LRMDA: variants seen among roughly 807,000 people sequenced by gnomAD.
The protein encoded by LRMDA is leucine rich melanocyte differentiation associated, also known as leucine-rich melanocyte differentiation-associated protein.
LRMDA carries 18 observed loss-of-function variants against 29.8 expected under a neutral mutation model. The observed-to-expected ratio is 0.60, with a 90% CI of 0.42 to 0.90. The LOEUF is 0.90. LRMDA is among the 40% of genes least tolerant of loss of function. The pLI is 0.00. For missense variants in LRMDA, 273 were observed against 273.9 expected (o/e 1.00, Z 0.02); for synonymous variants, 125 against 109.4 (o/e 1.14, Z -0.89).
intron 2 of LRMDA, among the ~76,000 whole-genome samples, chr10:75,968,578 G>A (rs942048897): frequency 1.3e-5 from 2 of 152,178 alleles, no homozygotes; most frequent in African/African-American, 4.8e-5. Context: ...CTAAAAAACA[G>A]CATTGCCAGA....
chr10:76,480,837 A>G (rs1376434327), intron 6 of LRMDA, among the ~76,000 whole-genome samples: 1 of 151,962 alleles, frequency 6.6e-6, no homozygotes, highest in African/African-American at 2.4e-5. Context: ...TCTATGAATA[A>G]CCCAGCGAAA....
chr10:76,221,999 A>C (rs1851851242), intron 5 of LRMDA, among the ~76,000 whole-genome samples: 1 of 152,134 alleles, frequency 6.6e-6, no homozygotes, highest in Non-Finnish European at 1.5e-5. Context: ...GACAAACCTG[A>C]GAAAAACAAA....
chr10:75,625,069 A>G (rs1266704129), intron 2 of LRMDA, among the ~76,000 whole-genome samples: 1 of 152,228 alleles, frequency 6.6e-6, no homozygotes, highest in Non-Finnish European at 1.5e-5. Flanking sequence ...AGAATCACAT[A>G]GTTAGTCTCA....
At chr10:75,461,481 C>T (rs184361384) in intron 2 of LRMDA, among the ~76,000 whole-genome samples, 61 of 152,276 alleles carry the variant, frequency 4.0e-4, no homozygotes, top group Non-Finnish European at 4.4e-5. Context: ...GACCTGCCTG[C>T]TTCTGCTGTT....
At chr10:75,534,124 G>T (rs1839914387) in intron 2 of LRMDA, among the ~76,000 whole-genome samples, 1 of 152,200 alleles carries the variant, frequency 6.6e-6, no homozygotes, top group African/African-American at 2.4e-5. Context: ...CTCTGCACAT[G>T]TAGCATAAGT....
chr10:75,824,501 T>C (rs1276746927), intron 2 of LRMDA, among the ~76,000 whole-genome samples: 1 of 152,196 alleles, frequency 6.6e-6, no homozygotes, highest in Non-Finnish European at 1.5e-5. Context: ...AAAAGAAGGT[T>C]GCTGAACTCT....
At chr10:76,532,097 T>C (rs969672230) in intron 6 of LRMDA, among the ~76,000 whole-genome samples, 1 of 152,144 alleles carries the variant, frequency 6.6e-6, no homozygotes, top group Non-Finnish European at 1.5e-5. Context: ...TACATAGGTA[T>C]ACGCGTGCCA....
chr10:76,544,928 A>T (rs1254572228), intron 6 of LRMDA, among the ~76,000 whole-genome samples: 1 of 152,210 alleles, frequency 6.6e-6, no homozygotes, highest in African/African-American at 2.4e-5. Context: ...ATTATATATC[A>T]TCAGATTCCC....
At chr10:76,109,409 T>TAG (rs1394092949) in intron 5 of LRMDA, among the ~76,000 whole-genome samples, 2 of 152,234 alleles carry the variant, frequency 1.3e-5, no homozygotes, top group African/African-American at 4.8e-5. Flanking sequence ...ACCCATGTGA[T>TAG]AGATGCCATC....
intron 2 of LRMDA, among the ~76,000 whole-genome samples, chr10:75,441,143 G>A (rs967307805): frequency 1.3e-5 from 2 of 152,206 alleles, no homozygotes; most frequent in African/African-American, 4.8e-5. Context: ...AGTGGGGATG[G>A]AGTGGATGAC....
chr10:76,438,460 G>A (rs1216205412), intron 6 of LRMDA: 1 of 152,122 alleles, frequency 6.6e-6, no homozygotes, highest in Non-Finnish European at 1.5e-5. Context: ...AGCATTTGTG[G>A]GAGATACTAG....
In LRMDA at chr10:75,985,488, G is replaced by C. The variant is rs528377457; in HGVS notation, c.132-50520G>C. 2.0e-5 allele frequency among the ~76,000 whole-genome samples: 3 copies of C among 152,304 alleles called. No homozygotes were observed. The East Asian group carries it at 5.8e-4, about 29-fold the overall frequency. On this transcript the variant is annotated intron_variant, in intron 2 of 6. Coordinates refer to ENST00000611255, the MANE Select transcript of LRMDA (RefSeq NM_001305581.2). ...ACACCCAGGTAAACTTCCCCTAAGGGAGGCAACGTGGCTGTGAACTCCACA... is the reference window on the plus strand; with the variant it reads ...ACACCCAGGTAAACTTCCCCTAAGGCAGGCAACGTGGCTGTGAACTCCACA...
At chr10:75,855,359 A>C (rs1357208476) in intron 2 of LRMDA, among the ~76,000 whole-genome samples, 2 of 152,182 alleles carry the variant, frequency 1.3e-5, no homozygotes, top group Non-Finnish European at 2.9e-5. Context: ...GGCTGCATAA[A>C]TGTCTTCTTT....
intron 6 of LRMDA, among the ~76,000 whole-genome samples, chr10:76,549,788 A>G (rs1843472092): frequency 6.6e-6 from 1 of 152,242 alleles, no homozygotes; most frequent in Non-Finnish European, 1.5e-5. Flanking sequence ...AAAACTGACC[A>G]AAGATTTATA....
intron 2 of LRMDA, among the ~76,000 whole-genome samples, chr10:75,458,978 G>T (rs1177602100): frequency 6.8e-6 from 1 of 147,260 alleles, no homozygotes. Context: ...TGGTTCAGTT[G>T]TAACTTCAGG....
intron 2 of LRMDA, among the ~76,000 whole-genome samples, chr10:76,017,007 C>G (rs895016928): frequency 6.6e-6 from 1 of 152,172 alleles, no homozygotes; most frequent in Non-Finnish European, 1.5e-5. Flanking sequence ...TACTTTGAAA[C>G]CCTAACCCCC....
intron 4 of LRMDA, among the ~76,000 whole-genome samples, chr10:76,056,226 T>A (rs565614171): frequency 1.8e-4 from 28 of 152,306 alleles, no homozygotes; most frequent in Middle Eastern, 3.4e-3. Flanking sequence ...TTCCATCAAC[T>A]GCCCAAGTCT....
intron 2 of LRMDA, among the ~76,000 whole-genome samples, chr10:75,650,907 G>A (rs1001558964): frequency 3.9e-5 from 6 of 152,140 alleles, no homozygotes; most frequent in Non-Finnish European, 5.9e-5. Flanking sequence ...ACTCTCATCA[G>A]CATTATAGAT....
At chr10:75,863,730 G>A (rs1268816348) in intron 2 of LRMDA, among the ~76,000 whole-genome samples, 5 of 152,268 alleles carry the variant, frequency 3.3e-5, no homozygotes, top group East Asian at 1.9e-4. Flanking sequence ...AGTAGGTGGC[G>A]AGCTAGGTAG....
Sources: allele counts gnomAD v4.1 joint callset (sites outside exome capture counted in the v4.1 genomes callset), GRCh38; gene constraint gnomAD v4.1.1; transcripts MANE v1.5; gene names NCBI Gene and HGNC (gene_info 2026-07-23, HGNC 2026-07-21).